NLGN1: variants seen among roughly 807,000 people sequenced by gnomAD.
NLGN1 encodes neuroligin-1.
In NLGN1, 12 loss-of-function variants were observed where a neutral mutation model predicts 65.5. The observed-to-expected ratio is 0.18, with a 90% CI of 0.12 to 0.30. The LOEUF is 0.30. Ranked by LOEUF, NLGN1 falls within the 10% of genes least tolerant of loss-of-function variation. The pLI, the probability that NLGN1 is intolerant of heterozygous loss-of-function variation, is 1.00. For missense variants in NLGN1, 750 were observed against 1,007.1 expected (o/e 0.74, Z 3.46); for synonymous variants, 350 against 359.5 (o/e 0.97, Z 0.30).
At chr3:173,474,363 A>G (rs1725827892) in intron 2 of NLGN1, among the ~76,000 whole-genome samples, 1 of 152,170 alleles carries the variant, frequency 6.6e-6, no homozygotes, top group African/African-American at 2.4e-5. Context: ...GAAAAGTGGC[A>G]ATTATTCTGT....
Position 173,600,592 on chromosome 3 carries a change from C to CTTTTTTTTTTTTTTTTTTTTTTTTTTTT in NLGN1, c.-320-3678_-320-3677insTTTTTTTTTTTTTTTTTTTTTTTTTTTT, listed in dbSNP as rs150984290. Among the ~76,000 whole-genome samples, 716 of 103,430 alleles carry CTTTTTTTTTTTTTTTTTTTTTTTTTTTT rather than the reference C, an allele frequency of 6.9e-3. 191 individuals carry two copies. Among genetic ancestry groups the CTTTTTTTTTTTTTTTTTTTTTTTTTTTT allele is most frequent in the African/African-American group, 0.011 (322 of 29,958 alleles). The allele number at this position is 103,430 out of a possible 152,430, so 67.9% of individuals were successfully genotyped here. ...AAGCAAGGTAGAAATAAAAACATAT[C>CTTTTTTTTTTTTTTTTTTTTTTTTTTTT]TTTTTTTTTAGAAAAAGATATGTAA... On this transcript the variant is annotated intron_variant, in intron 2 of 6. Transcript: ENST00000457714.
At chr3:173,565,863 T>A (rs756237698) in intron 2 of NLGN1, among the ~76,000 whole-genome samples, 2 of 152,240 alleles carry the variant, frequency 1.3e-5, no homozygotes, top group South Asian at 2.1e-4. Context: ...GATGTATGTA[T>A]TGAAGAGCAT....
chr3:173,401,368 GT>G (rs199507289), intron 1 of NLGN1, among the ~76,000 whole-genome samples: 10 of 150,264 alleles, frequency 6.7e-5, no homozygotes, highest in African/African-American at 9.8e-5. Context: ...CCCTACCCCT[GT>G]TTTTTTTTGT....
intron 2 of NLGN1, among the ~76,000 whole-genome samples, chr3:173,489,391 A>G (rs879670277): frequency 1.3e-5 from 2 of 152,100 alleles, no homozygotes; most frequent in Non-Finnish European, 2.9e-5. Flanking sequence ...AGCTTCATCT[A>G]TGTCCCTACA....
intron 4 of NLGN1, among the ~76,000 whole-genome samples, chr3:174,063,179 A>G (rs1177126609): frequency 6.6e-6 from 1 of 152,196 alleles, no homozygotes; most frequent in South Asian, 2.1e-4. Flanking sequence ...TTAATGGAGT[A>G]TGGACAACAA....
At chr3:173,620,988 A>C (rs949240761) in intron 3 of NLGN1, among the ~76,000 whole-genome samples, 8 of 152,188 alleles carry the variant, frequency 5.3e-5, no homozygotes, top group Non-Finnish European at 4.4e-5. Flanking sequence ...GGTAAGTCAG[A>C]AAATGCATAT....
At chr3:174,252,278 G>GA (rs1224680567) in intron 4 of NLGN1, among the ~76,000 whole-genome samples, 1 of 152,114 alleles carries the variant, frequency 6.6e-6, no homozygotes, top group African/African-American at 2.4e-5. Flanking sequence ...AAGGGCAACA[G>GA]AGTAGGTAGT....
chr3:173,614,758 A>G (rs544458836), intron 3 of NLGN1, among the ~76,000 whole-genome samples: 2 of 151,910 alleles, frequency 1.3e-5, no homozygotes, highest in African/African-American at 2.4e-5. Flanking sequence ...CATCCCTCAC[A>G]CATATGTATA....
chr3:174,284,461 G>C (rs1751901867), exon 7 of NLGN1: 2 of 151,106 alleles, frequency 1.3e-5, no homozygotes, highest in African/African-American at 4.8e-5. Context: ...TAATATTTTT[G>C]GCATTATTTG....
intron 4 of NLGN1, among the ~76,000 whole-genome samples, chr3:173,913,309 T>A (rs747267902): frequency 6.6e-6 from 1 of 152,200 alleles, no homozygotes; most frequent in Non-Finnish European, 1.5e-5. Context: ...GCCTTTGGAA[T>A]GCATTTGTGT....
chr3:173,633,877 T>TC (rs1405085562), intron 3 of NLGN1, among the ~76,000 whole-genome samples: 1 of 152,152 alleles, frequency 6.6e-6, no homozygotes, highest in Non-Finnish European at 1.5e-5. Flanking sequence ...CCCTTTCTGA[T>TC]CCCCATAGCT....
At chr3:174,035,051 A>G (rs372743938) in intron 4 of NLGN1, among the ~76,000 whole-genome samples, 46 of 152,266 alleles carry the variant, frequency 3.0e-4, no homozygotes, top group African/African-American at 1.0e-3. Context: ...AATAATTATC[A>G]GGGGTCAAGA....
At chr3:173,641,803 T>A (rs1757458487) in intron 3 of NLGN1, among the ~76,000 whole-genome samples, 2 of 152,302 alleles carry the variant, frequency 1.3e-5, no homozygotes, top group African/African-American at 4.8e-5. Context: ...GCAAATCCAA[T>A]CTACTTCCTG....
chr3:173,475,352 CTATA>C (rs1231848164), intron 2 of NLGN1, among the ~76,000 whole-genome samples: 1 of 152,020 alleles, frequency 6.6e-6, no homozygotes, highest in Non-Finnish European at 1.5e-5. Flanking sequence ...GAAATAATAA[CTATA>C]TAGTCTCTCT....
intron 1 of NLGN1, chr3:173,399,897 T>C (rs1253631250): frequency 6.6e-6 from 1 of 152,224 alleles, no homozygotes; most frequent in African/African-American, 2.4e-5. Context: ...AATACAGATA[T>C]AGCTTTGAGT....
intron 4 of NLGN1, among the ~76,000 whole-genome samples, chr3:173,962,242 A>G (rs1433577432): frequency 1.3e-5 from 2 of 152,066 alleles, no homozygotes; most frequent in African/African-American, 2.4e-5. Context: ...TAGCCTGCAT[A>G]TTAGGTGAGT....
At chr3:173,658,772 A>G (rs375066209) in intron 3 of NLGN1, among the ~76,000 whole-genome samples, 31 of 152,124 alleles carry the variant, frequency 2.0e-4, no homozygotes, top group African/African-American at 7.0e-4. Context: ...GTGCTAGAGT[A>G]CTGCTCTACG....
intron 4 of NLGN1, among the ~76,000 whole-genome samples, chr3:174,270,599 G>A (rs1242785814): frequency 6.6e-6 from 1 of 151,784 alleles, no homozygotes; most frequent in African/African-American, 2.4e-5. Context: ...ATTTTTCATA[G>A]GTGAGTAGTG....
chr3:174,226,505 G>C (rs909397257), intron 4 of NLGN1, among the ~76,000 whole-genome samples: 2 of 152,076 alleles, frequency 1.3e-5, no homozygotes, highest in Non-Finnish European at 2.9e-5. Context: ...ATGATTTTAA[G>C]TTCTAGTCTG....
Sources: allele counts gnomAD v4.1 joint callset (sites outside exome capture counted in the v4.1 genomes callset), GRCh38; gene constraint gnomAD v4.1.1; transcripts MANE v1.5; gene names NCBI Gene and HGNC (gene_info 2026-07-23, HGNC 2026-07-21).